SUGCT: variants seen among roughly 807,000 people sequenced by gnomAD.
SUGCT encodes the protein succinyl-CoA:glutarate-CoA transferase.
A neutral mutation model predicts 55.0 loss-of-function variants in SUGCT; 41 were observed. That is an observed-to-expected ratio of 0.74 (90% confidence interval 0.58 to 0.97). The LOEUF (loss-of-function observed/expected upper bound fraction) is 0.97, where lower values mean the gene tolerates loss of function less well. SUGCT is among the 50% of genes least tolerant of loss of function. SUGCT has a pLI of 0.00. For synonymous variants in SUGCT, 187 were observed against 200.4 expected (o/e 0.93, Z 0.56); for missense variants, 568 against 547.8 (o/e 1.04, Z -0.37).
the SUGCT span, among the ~76,000 whole-genome samples, chr7:40,928,122 T>A: frequency 2.0e-5 from 3 of 152,100 alleles, no homozygotes; most frequent in South Asian, 6.2e-4. Context: ...TAATTATTTT[T>A]ATTTTTTTTC....
chr7:40,424,897 A>G (rs1787506791), intron 9 of SUGCT, among the ~76,000 whole-genome samples: 1 of 152,182 alleles, frequency 6.6e-6, no homozygotes, highest in East Asian at 1.9e-4. Flanking sequence ...ATTGCCAAGC[A>G]TAGAGTCAGA....
At chr7:40,856,125 C>T (rs902299743) in intron 13 of SUGCT, among the ~76,000 whole-genome samples, 1 of 152,154 alleles carries the variant, frequency 6.6e-6, no homozygotes, top group African/African-American at 2.4e-5. Flanking sequence ...TCTTATTCTC[C>T]TTCTACAATA....
chr7:40,205,989 G>A (rs1786955278), intron 6 of SUGCT, among the ~76,000 whole-genome samples: 1 of 152,168 alleles, frequency 6.6e-6, no homozygotes, highest in Non-Finnish European at 1.5e-5. Flanking sequence ...TATATGGTTA[G>A]AATAGTTTCC....
chr7:40,839,003 A>T (rs1406711807), intron 13 of SUGCT, among the ~76,000 whole-genome samples: 1 of 150,244 alleles, frequency 6.7e-6, no homozygotes, highest in Non-Finnish European at 1.5e-5. Context: ...TTTCTGCATC[A>T]ATTGATATGA....
chr7:40,772,577 T>TATCTATCTA (rs771592214), intron 13 of SUGCT, among the ~76,000 whole-genome samples: 1 of 120,096 alleles, frequency 8.3e-6, no homozygotes, highest in Non-Finnish European at 1.8e-5. Flanking sequence ...GTTATCTATC[T>TATCTATCTA]GCTATCTATC....
chr7:40,873,098 G>A, the SUGCT span, among the ~76,000 whole-genome samples: 1 of 152,106 alleles, frequency 6.6e-6, no homozygotes, highest in East Asian at 1.9e-4. Context: ...CTACAATATG[G>A]AGCTTTCAAG....
At chr7:40,159,866 G>A (rs1337529819) in intron 1 of SUGCT, among the ~76,000 whole-genome samples, 1 of 152,186 alleles carries the variant, frequency 6.6e-6, no homozygotes, top group Non-Finnish European at 1.5e-5. Context: ...TATGCAGAGA[G>A]TGCCTATGTA....
chr7:40,421,604 A>C (rs1377377545), intron 9 of SUGCT, among the ~76,000 whole-genome samples: 2 of 152,216 alleles, frequency 1.3e-5, no homozygotes, highest in Non-Finnish European at 1.5e-5. Context: ...GTGGTGAGTC[A>C]TACAGTGGGC....
At chr7:40,544,974 T>C (rs1007545354) in intron 12 of SUGCT, among the ~76,000 whole-genome samples, 2 of 152,322 alleles carry the variant, frequency 1.3e-5, no homozygotes, top group South Asian at 2.1e-4. Context: ...CATGCACTTA[T>C]ACAGCCCTCT....
At chr7:40,505,275 T>C (rs1044558102) in intron 12 of SUGCT, among the ~76,000 whole-genome samples, 4 of 152,028 alleles carry the variant, frequency 2.6e-5, no homozygotes, top group Non-Finnish European at 4.4e-5. Flanking sequence ...AGATGGTAGA[T>C]AGGTGGATCC....
At chr7:40,518,400 A>G (rs1487986318) in intron 12 of SUGCT, among the ~76,000 whole-genome samples, 1 of 152,094 alleles carries the variant, frequency 6.6e-6, no homozygotes, top group African/African-American at 2.4e-5. Context: ...TTGAACACAT[A>G]AGCAAATATA....
At chr7:40,152,538 A>C (rs1230210629) in intron 1 of SUGCT, 1 of 212,898 alleles carries the variant, frequency 4.7e-6, no homozygotes, top group South Asian at 9.7e-5. Flanking sequence ...TTCAGTGAAA[A>C]TTTGGCTTAG....
rs150519439 is a variant in SUGCT, at chr7:40,678,853, C to T, written c.1090-70581C>T. ...GTTTGTTTGCCCTGGGCTTTTAGAACAGTCCTTTCACTACTATTGCGAAGT... is the reference window on the plus strand; with the variant it reads ...GTTTGTTTGCCCTGGGCTTTTAGAATAGTCCTTTCACTACTATTGCGAAGT... On this transcript the variant is annotated intron_variant, in intron 12 of 13. Coordinates refer to ENST00000335693, the MANE Select transcript of SUGCT (RefSeq NM_001193313.2). 1.4e-3 allele frequency among the ~76,000 whole-genome samples: 211 copies of T among 152,280 alleles called. 1 individual carries two copies. The highest frequency in any genetic ancestry group is 5.0e-3 in the African/African-American group (206 of 41,550).
chr7:40,909,898 CAGGGCCTCACCCA>C, the SUGCT span, among the ~76,000 whole-genome samples: 2 of 152,102 alleles, frequency 1.3e-5, no homozygotes, highest in Non-Finnish European at 1.5e-5. Flanking sequence ...CTTGGTTAGA[CAGGGCCTCACCCA>C]AGGGCATCTT....
At chr7:40,342,024 A>G (rs955027794) in intron 9 of SUGCT, among the ~76,000 whole-genome samples, 2 of 152,368 alleles carry the variant, frequency 1.3e-5, no homozygotes, top group East Asian at 3.9e-4. Flanking sequence ...GCAGTGGTAC[A>G]TGTCAAGTCT....
chr7:40,472,996 G>A (rs1411225652), intron 11 of SUGCT, among the ~76,000 whole-genome samples: 1 of 152,132 alleles, frequency 6.6e-6, no homozygotes, highest in Non-Finnish European at 1.5e-5. Context: ...CATTGAGAAA[G>A]TTGTATATTT....
the SUGCT span, among the ~76,000 whole-genome samples, chr7:40,940,089 C>T: frequency 5.1e-3 from 777 of 152,242 alleles, 5 homozygotes; most frequent in African/African-American, 0.018. Context: ...CATTCTTCTA[C>T]ATGTGGCTAC....
Position 40,638,681 on chromosome 7 carries a change from G to A in SUGCT, c.1090-110753G>A, listed in dbSNP as rs528442309. On this transcript the variant is annotated intron_variant, in intron 12 of 13. Transcript: ENST00000335693. Reference sequence around the variant, plus strand: ...TCCTTGTGTGCAAAGTGCTATAGGGGCCAGTAAGGGAGGAAAGGAGCAGGG... The same window carrying A: ...TCCTTGTGTGCAAAGTGCTATAGGGACCAGTAAGGGAGGAAAGGAGCAGGG... Among the ~76,000 whole-genome samples, 12 of 152,290 alleles carry A rather than the reference G, an allele frequency of 7.9e-5. No homozygotes were observed. The South Asian group carries it at 2.1e-3, about 26-fold the overall frequency.
chr7:40,203,289 G>T (rs551417195), intron 6 of SUGCT, among the ~76,000 whole-genome samples: 3 of 152,194 alleles, frequency 2.0e-5, no homozygotes, highest in African/African-American at 4.8e-5. Flanking sequence ...AGTGTTATCT[G>T]TGCTAGTGTT....
Sources: allele counts gnomAD v4.1 joint callset (sites outside exome capture counted in the v4.1 genomes callset), GRCh38; gene constraint gnomAD v4.1.1; transcripts MANE v1.5; gene names NCBI Gene and HGNC (gene_info 2026-07-23, HGNC 2026-07-21).